The following PIK3C2G variants were observed in gnomAD, a reference collection of about 807,000 sequenced individuals.
The protein encoded by PIK3C2G is phosphatidylinositol-4-phosphate 3-kinase catalytic subunit type 2 gamma.
In PIK3C2G, 168 loss-of-function variants were observed where a neutral mutation model predicts 181.1. That is an observed-to-expected ratio of 0.93 (90% CI 0.82 to 1.05). PIK3C2G has a LOEUF of 1.05. Among genes scored for constraint, PIK3C2G ranks in the 50% least tolerant of loss-of-function variants. The probability of loss-of-function intolerance (pLI) is 0.00; values close to 1 mark genes in which losing one functional copy is unlikely to be tolerated. For missense variants in PIK3C2G, 1,869 were observed against 1,732.8 expected (o/e 1.08, Z -1.40); for synonymous variants, 573 against 592.2 (o/e 0.97, Z 0.47).
chr12:18,309,778 C>T (rs1412722586), intron 5 of PIK3C2G, among the ~76,000 whole-genome samples: 1 of 151,572 alleles, frequency 6.6e-6, no homozygotes, highest in Non-Finnish European at 1.5e-5. Flanking sequence ...GCATGTACAC[C>T]CTGGAAGTGT....
At chr12:18,695,360 T>C in the PIK3C2G span, among the ~76,000 whole-genome samples, 1 of 152,158 alleles carries the variant, frequency 6.6e-6, no homozygotes, top group Non-Finnish European at 1.5e-5. Context: ...AATAACAATG[T>C]TCATGTCAGG....
intron 20 of PIK3C2G, chr12:18,492,959 A>C (rs1940704909): frequency 6.6e-6 from 1 of 152,304 alleles, no homozygotes; most frequent in Non-Finnish European, 1.5e-5. Context: ...TGCTCTGACT[A>C]GCTATGCCTG....
At chr12:18,472,256 T>C (rs1938530048) in intron 18 of PIK3C2G, among the ~76,000 whole-genome samples, 1 of 152,214 alleles carries the variant, frequency 6.6e-6, no homozygotes, top group Non-Finnish European at 1.5e-5. Flanking sequence ...TTGCTTAACA[T>C]ATCTTTATGT....
In PIK3C2G at chr12:18,420,938, T is replaced by C. The variant is rs1050481648; in HGVS notation, c.2316-3T>C. ...CTTAGTGGATATATTTACTGTGTAT[T>C]AGTTTTCCAGATCAAGAAATTCGTA... On this transcript the variant is annotated splice_polypyrimidine_tract_variant and splice_region_variant and intron_variant, in intron 16 of 32. Coordinates refer to ENST00000538779, the MANE Select transcript of PIK3C2G (RefSeq NM_001288772.2). 4.0e-6 allele frequency: 6 copies of C among 1,510,250 alleles called. No individual in the cohort carries two copies. The Admixed American group carries it at 5.0e-5, about 13-fold the overall frequency. 93.6% of individuals were successfully genotyped at this position (1,510,250 alleles called of 1,614,324 possible). A position where few individuals can be genotyped will look rare whatever the true frequency, so the allele number is the denominator to read the frequency against.
chr12:18,491,663 A>G, intron 20 of PIK3C2G, 105 bp downstream of exon 20: 1 of 627,996 alleles, frequency 1.6e-6, no homozygotes, highest in Non-Finnish European at 2.8e-6. Context: ...TTGACACTGC[A>G]ATTATTTTAA....
At chr12:18,266,028 A>C (rs1159020164) in intron 1 of PIK3C2G, among the ~76,000 whole-genome samples, 9 of 150,916 alleles carry the variant, frequency 6.0e-5, no homozygotes, top group Admixed American at 2.0e-4. Flanking sequence ...AAAAAAAAAA[A>C]AAAAAAAAAA....
At chr12:18,294,257 A>G (rs1025467830) in intron 5 of PIK3C2G, among the ~76,000 whole-genome samples, 1 of 152,100 alleles carries the variant, frequency 6.6e-6, no homozygotes, top group African/African-American at 2.4e-5. Flanking sequence ...AGGGTGACCA[A>G]CCATCTCAGT....
chr12:18,292,312 A>G (rs777660212), intron 4 of PIK3C2G, among the ~76,000 whole-genome samples: 12 of 149,350 alleles, frequency 8.0e-5, no homozygotes, highest in Non-Finnish European at 1.6e-4. Flanking sequence ...GAATATATGA[A>G]AAACACAAAT....
the PIK3C2G span, chr12:18,701,444 A>C: frequency 6.2e-7 from 1 of 1,609,078 alleles, no homozygotes; most frequent in African/African-American, 1.3e-5. Flanking sequence ...AATCTCCAAG[A>C]ATAAAATTAG....
chr12:18,293,992 T>C lies in PIK3C2G; in HGVS notation c.1011T>C (p.Cys337=). 6.3e-7 allele frequency: 1 copy of C among 1,575,132 alleles called. No homozygotes were observed. The highest frequency in any genetic ancestry group is 8.7e-7 in the Non-Finnish European group (1 of 1,146,704). Residue 337 remains cysteine, a synonymous_variant, in exon 5 of 33, where the codon TGT becomes TGC. Coordinates refer to ENST00000538779, the MANE Select transcript of PIK3C2G (RefSeq NM_001288772.2). ...CCAAAGATCATATTCTAAGTGTATG[T>C]GGCTCTGAAGAATTTTTACAAAAGT... ...LLPKDHILSV[C]GSEEFLQNDH...
chr12:18,425,214 ATAAC>A (rs1008485768), intron 18 of PIK3C2G: 6 of 154,620 alleles, frequency 3.9e-5, no homozygotes, highest in Admixed American at 2.0e-4. Flanking sequence ...AATAATGTAA[ATAAC>A]TAAATTATTC....
intron 26 of PIK3C2G, among the ~76,000 whole-genome samples, chr12:18,560,929 A>G (rs898505647): frequency 6.6e-6 from 1 of 152,188 alleles, no homozygotes; most frequent in Non-Finnish European, 1.5e-5. Flanking sequence ...ACAATTTACT[A>G]TGTCATCAGA....
chr12:18,348,406 G>A (rs922770823), intron 11 of PIK3C2G, among the ~76,000 whole-genome samples: 2 of 151,976 alleles, frequency 1.3e-5, no homozygotes, highest in Non-Finnish European at 2.9e-5. Flanking sequence ...CCTACATGCA[G>A]AGTAAAAATA....
At chr12:18,477,140 C>T (rs935625174) in intron 18 of PIK3C2G, among the ~76,000 whole-genome samples, 2 of 152,064 alleles carry the variant, frequency 1.3e-5, no homozygotes, top group African/African-American at 4.8e-5. Flanking sequence ...AGGACGCCAG[C>T]CCTATGGGAT....
chr12:18,404,638 A>G (rs985658455), intron 16 of PIK3C2G, among the ~76,000 whole-genome samples: 1 of 152,202 alleles, frequency 6.6e-6, no homozygotes, highest in East Asian at 1.9e-4. Flanking sequence ...TAGTGTGTGC[A>G]TGGTTATACA....
At chr12:18,328,909 G>C (rs1353457653) in intron 8 of PIK3C2G, among the ~76,000 whole-genome samples, 1 of 151,868 alleles carries the variant, frequency 6.6e-6, no homozygotes, top group Admixed American at 6.6e-5. Flanking sequence ...AGCAAAAAAA[G>C]TGTAAGAAAA....
chr12:18,642,145 G>T (rs1949875131), intron 32 of PIK3C2G, among the ~76,000 whole-genome samples: 1 of 152,154 alleles, frequency 6.6e-6, no homozygotes, highest in African/African-American at 2.4e-5. Context: ...TTCTTTTATA[G>T]ATGGTACCTT....
rs78622708 is a variant in PIK3C2G, at chr12:18,530,508, A to G, written c.3324-7648A>G. 6.1e-3 allele frequency among the ~76,000 whole-genome samples: 921 copies of G among 152,200 alleles called. 2 individuals are homozygous for G. The highest frequency in any genetic ancestry group is 0.01 in the Middle Eastern group (3 of 294). On this transcript the variant is annotated intron_variant, in intron 24 of 32. Coordinates refer to ENST00000538779, the MANE Select transcript of PIK3C2G (RefSeq NM_001288772.2). ...TGGAGGAGTTGTCTATAAACTCTTG[A>G]TCTCCATTCCTTACCTCTTGTTCAA...
At chr12:18,575,635 A>G (rs1253729099) in intron 29 of PIK3C2G, among the ~76,000 whole-genome samples, 1 of 152,168 alleles carries the variant, frequency 6.6e-6, no homozygotes. Flanking sequence ...AACTAATTCC[A>G]AGTGAGGTAG....
Sources: allele counts gnomAD v4.1 joint callset (sites outside exome capture counted in the v4.1 genomes callset), GRCh38; gene constraint gnomAD v4.1.1; transcripts MANE v1.5; gene names NCBI Gene and HGNC (gene_info 2026-07-23, HGNC 2026-07-21).